Variants in ARAP2 observed in about 807,000 individuals in gnomAD.
The protein encoded by ARAP2 is arf-GAP with Rho-GAP domain, ANK repeat and PH domain-containing protein 2.
Under a neutral mutation model 194.5 loss-of-function variants are expected in ARAP2, and 148 were observed. That is an observed-to-expected ratio of 0.76 (90% CI 0.67 to 0.87). The LOEUF (loss-of-function observed/expected upper bound fraction) is 0.87, where lower values mean the gene tolerates loss of function less well. Among genes scored for constraint, ARAP2 ranks in the 40% least tolerant of loss-of-function variants. ARAP2 has a pLI of 0.00. For synonymous variants in ARAP2, 695 were observed against 683.5 expected (o/e 1.02, Z -0.26); for missense variants, 2,128 against 1,989.7 (o/e 1.07, Z -1.32).
chr4:36,091,489 ATTTAT>A (rs775775040), intron 28 of ARAP2, among the ~76,000 whole-genome samples: 2 of 152,168 alleles, frequency 1.3e-5, no homozygotes, highest in Admixed American at 6.6e-5. Flanking sequence ...TACTAATAAG[ATTTAT>A]TTTAACTTTT....
chr4:36,123,706 C>A (rs1418765919), intron 22 of ARAP2, among the ~76,000 whole-genome samples: 1 of 151,708 alleles, frequency 6.6e-6, no homozygotes, highest in Non-Finnish European at 1.5e-5. Context: ...GGATTATTAT[C>A]CTAACACATT....
intron 19 of ARAP2, among the ~76,000 whole-genome samples, chr4:36,144,463 G>A (rs1729135704): frequency 6.6e-6 from 1 of 151,404 alleles, no homozygotes; most frequent in South Asian, 2.1e-4. Context: ...ATACTCTCAC[G>A]GTATAGTGAA....
At chr4:36,195,778 A>G (rs1357210196) in intron 6 of ARAP2, among the ~76,000 whole-genome samples, 6 of 152,160 alleles carry the variant, frequency 3.9e-5, no homozygotes, top group African/African-American at 2.4e-5. Context: ...CTCTCTCTCA[A>G]TACCCTCTAC....
intron 29 of ARAP2, among the ~76,000 whole-genome samples, chr4:36,082,793 T>C (rs749259838): frequency 3.9e-5 from 6 of 152,146 alleles, no homozygotes; most frequent in Non-Finnish European, 8.8e-5. Context: ...TAACCTGTGA[T>C]AAGAAATTGT....
chr4:36,177,720 C>T, intron 9 of ARAP2, 107 bp downstream of exon 9: 1 of 1,186,606 alleles, frequency 8.4e-7, no homozygotes, highest in South Asian at 2.0e-5. Flanking sequence ...GTACACAATG[C>T]TAAAACAAGA....
chr4:36,116,775 T>C lies in ARAP2; in HGVS notation c.4038+286A>G, dbSNP rs188511789. Among the ~76,000 whole-genome samples the C allele has an allele frequency of 1.4e-3, 215 of 151,882 alleles. 1 individual carries two copies. Among genetic ancestry groups the C allele is most frequent in the African/African-American group, 5.0e-3 (209 of 41,534 alleles). ...TGAGGCTCAGAGCAAATAACTTGTC[T>C]AACGTTAGGAAGCTAGGAAGGGGAG... On this transcript the variant is annotated intron_variant, in intron 25 of 32. Transcript: ENST00000303965.
chr4:36,101,932 T>C (rs1717048384), intron 27 of ARAP2, among the ~76,000 whole-genome samples: 1 of 152,004 alleles, frequency 6.6e-6, no homozygotes, highest in South Asian at 2.1e-4. Flanking sequence ...TTTTACACTG[T>C]TAAGCACTCT....
intron 2 of ARAP2, among the ~76,000 whole-genome samples, chr4:36,219,054 C>T (rs1748602626): frequency 2.0e-5 from 3 of 152,160 alleles, no homozygotes; most frequent in African/African-American, 7.2e-5. Flanking sequence ...CATGTATCTA[C>T]ATGGCTAACA....
intron 5 of ARAP2, 60 bp downstream of exon 5, chr4:36,212,336 G>C: frequency 7.4e-7 from 1 of 1,349,842 alleles, no homozygotes; most frequent in Non-Finnish European, 1.0e-6. Flanking sequence ...AGAATGAGAA[G>C]TCAACATTGT....
chr4:36,133,397 GT>G lies in ARAP2; in HGVS notation c.3264-9del. 1 of 1,595,556 alleles carries G rather than the reference GT, an allele frequency of 6.3e-7. No individual in the cohort carries two copies. The highest frequency in any genetic ancestry group is 1.8e-5 in the Admixed American group (1 of 56,410). On this transcript the variant is annotated splice_polypyrimidine_tract_variant and intron_variant, in intron 19 of 32. Coordinates refer to ENST00000303965, the MANE Select transcript of ARAP2 (RefSeq NM_015230.4). ...CCATGGATGTATAATGTTCTGTAAA[GT>G]TTAAAAAGCATTTCAAATTATAATT...
downstream of ARAP2, among the ~76,000 whole-genome samples, chr4:36,061,338 T>C (rs903385604): frequency 6.6e-6 from 1 of 152,182 alleles, no homozygotes; most frequent in Non-Finnish European, 1.5e-5. Flanking sequence ...ACCATTCTTA[T>C]CTCATCCCAC....
intron 7 of ARAP2, among the ~76,000 whole-genome samples, chr4:36,192,057 G>A (rs548266728): frequency 2.6e-5 from 4 of 152,032 alleles, no homozygotes; most frequent in South Asian, 2.1e-4. Context: ...TGTTAACACC[G>A]GGTCACCCAG....
intron 20 of ARAP2, among the ~76,000 whole-genome samples, chr4:36,132,556 T>C (rs1213307796): frequency 6.6e-6 from 1 of 151,772 alleles, no homozygotes; most frequent in Non-Finnish European, 1.5e-5. Flanking sequence ...AAAAGGAATT[T>C]GAAGAACTCA....
At chr4:36,146,272 C>T (rs1213180540) in intron 19 of ARAP2, among the ~76,000 whole-genome samples, 1 of 152,016 alleles carries the variant, frequency 6.6e-6, no homozygotes, top group Non-Finnish European at 1.5e-5. Context: ...CCCACTTTCA[C>T]TTTTGTCCCC....
At chr4:36,091,580 C>T (rs1006251568) in intron 28 of ARAP2, among the ~76,000 whole-genome samples, 1 of 152,094 alleles carries the variant, frequency 6.6e-6, no homozygotes. Flanking sequence ...GGGTATCACA[C>T]ATTCTCTATT....
At chr4:36,123,586 C>T (rs1723191808) in intron 22 of ARAP2, among the ~76,000 whole-genome samples, 1 of 151,706 alleles carries the variant, frequency 6.6e-6, no homozygotes, top group Admixed American at 6.6e-5. Flanking sequence ...CCATATTCAG[C>T]TTGCCCAGTC....
intron 5 of ARAP2, among the ~76,000 whole-genome samples, chr4:36,045,014 T>C (rs111935417): frequency 0.022 from 3,394 of 152,244 alleles, 143 homozygotes; most frequent in African/African-American, 0.077. Flanking sequence ...CAACTCATCA[T>C]ACCTGTTAGA....
At chr4:36,096,996 C>T (rs1715498162) in intron 27 of ARAP2, among the ~76,000 whole-genome samples, 1 of 152,034 alleles carries the variant, frequency 6.6e-6, no homozygotes, top group Non-Finnish European at 1.5e-5. Flanking sequence ...CAGTAAAATC[C>T]ATTCACACCT....
intron 8 of ARAP2, among the ~76,000 whole-genome samples, chr4:36,014,071 A>G (rs1167039657): frequency 6.6e-6 from 1 of 151,528 alleles, no homozygotes; most frequent in Non-Finnish European, 1.5e-5. Flanking sequence ...CACCAAAACT[A>G]CAAAAAATGA....
Sources: allele counts gnomAD v4.1 joint callset (sites outside exome capture counted in the v4.1 genomes callset), GRCh38; gene constraint gnomAD v4.1.1; transcripts MANE v1.5; gene names NCBI Gene and HGNC (gene_info 2026-07-23, HGNC 2026-07-21).